ANKFN1: variants seen among roughly 807,000 people sequenced by gnomAD.
ANKFN1 encodes ankyrin repeat and fibronectin type-III domain-containing protein 1.
A neutral mutation model predicts 108.7 loss-of-function variants in ANKFN1; 74 were observed. That is an observed-to-expected ratio of 0.68 (90% confidence interval 0.56 to 0.83). ANKFN1 has a LOEUF of 0.83. Among genes scored for constraint, ANKFN1 ranks in the 40% least tolerant of loss-of-function variants. The pLI, the probability that ANKFN1 is intolerant of heterozygous loss-of-function variation, is 0.00. For missense variants in ANKFN1, 1,505 were observed against 1,382.3 expected (o/e 1.09, Z -1.41); for synonymous variants, 547 against 516.2 (o/e 1.06, Z -0.81).
At chr17:56,218,563 G>A (rs146569994) in intron 2 of ANKFN1, among the ~76,000 whole-genome samples, 10 of 152,152 alleles carry the variant, frequency 6.6e-5, no homozygotes, top group African/African-American at 9.6e-5. Context: ...CACACATGTT[G>A]TTTTCAGCAA....
At chr17:56,254,503 T>C (rs1458417149) in intron 3 of ANKFN1, among the ~76,000 whole-genome samples, 1 of 152,232 alleles carries the variant, frequency 6.6e-6, no homozygotes, top group Non-Finnish European at 1.5e-5. Context: ...TGTCCCAGTA[T>C]GTCCTTTCCC....
At chr17:56,212,125 G>A (rs981296016) in intron 1 of ANKFN1, among the ~76,000 whole-genome samples, 2 of 151,738 alleles carry the variant, frequency 1.3e-5, no homozygotes, top group African/African-American at 2.4e-5. Flanking sequence ...TCCAGTTCTC[G>A]GGGGAATGCT....
intron 3 of ANKFN1, among the ~76,000 whole-genome samples, chr17:56,246,208 A>AGTCT (rs1306094093): frequency 1.3e-5 from 2 of 152,112 alleles, no homozygotes; most frequent in Non-Finnish European, 2.9e-5. Context: ...GTTTGGAGCA[A>AGTCT]GTCTGACTCA....
intron 4 of ANKFN1, among the ~76,000 whole-genome samples, chr17:56,117,798 T>A (rs1648486744): frequency 6.6e-6 from 1 of 152,146 alleles, no homozygotes; most frequent in African/African-American, 2.4e-5. Flanking sequence ...AATATATTCA[T>A]AAAGTTATGC....
At chr17:56,483,988 T>G (rs2050784935) in intron 18 of ANKFN1, among the ~76,000 whole-genome samples, 4 of 152,164 alleles carry the variant, frequency 2.6e-5, no homozygotes, top group Admixed American at 2.6e-4. Flanking sequence ...AGAAAGCACA[T>G]TCTCTCAAAG....
At chr17:56,112,257 T>C (rs949451363) in intron 4 of ANKFN1, among the ~76,000 whole-genome samples, 9 of 151,894 alleles carry the variant, frequency 5.9e-5, no homozygotes, top group African/African-American at 1.9e-4. Flanking sequence ...CCTGAGGGAG[T>C]TGACTTACAG....
intron 18 of ANKFN1, among the ~76,000 whole-genome samples, chr17:56,488,280 G>T (rs1343873567): frequency 6.6e-6 from 1 of 152,158 alleles, no homozygotes; most frequent in Non-Finnish European, 1.5e-5. Flanking sequence ...CTTGGTGGGG[G>T]TATAGAAGAG....
chr17:56,349,537 T>C (rs1186102617), intron 4 of ANKFN1, among the ~76,000 whole-genome samples: 1 of 152,120 alleles, frequency 6.6e-6, no homozygotes, highest in Admixed American at 6.6e-5. Context: ...TTCTGGGTAG[T>C]GCTCTAGTAT....
chr17:56,114,692 C>T (rs1420393410), intron 4 of ANKFN1, among the ~76,000 whole-genome samples: 1 of 152,090 alleles, frequency 6.6e-6, no homozygotes, highest in Non-Finnish European at 1.5e-5. Context: ...GGTCACATGG[C>T]AAAGGGGAAT....
At chr17:56,416,143 T>C (rs1267191115) in intron 8 of ANKFN1, among the ~76,000 whole-genome samples, 1 of 152,168 alleles carries the variant, frequency 6.6e-6, no homozygotes, top group Non-Finnish European at 1.5e-5. Flanking sequence ...CTCCAGGACA[T>C]TGGTCTACGT....
At chr17:56,350,742 A>T (rs775557570) in intron 4 of ANKFN1, 24 bp from the exon 5 acceptor site, 4 of 1,600,996 alleles carry the variant, frequency 2.5e-6, no homozygotes, top group Non-Finnish European at 3.4e-6. Context: ...TAAAAGATAT[A>T]ACATCGGACT....
intron 4 of ANKFN1, 56 bp from the exon 5 acceptor site, chr17:56,350,710 T>C: frequency 1.4e-6 from 2 of 1,477,600 alleles, no homozygotes; most frequent in African/African-American, 1.4e-5. Context: ...TAAAATCATA[T>C]GTCAACTTAT....
At chr17:56,102,883 G>A (rs1245128479) in intron 4 of ANKFN1, among the ~76,000 whole-genome samples, 4 of 152,114 alleles carry the variant, frequency 2.6e-5, no homozygotes, top group East Asian at 3.9e-4. Context: ...CCAGCCTATC[G>A]CTAAAATATT....
chr17:56,241,010 G>A (rs1917542447), intron 3 of ANKFN1, among the ~76,000 whole-genome samples: 1 of 151,850 alleles, frequency 6.6e-6, no homozygotes, highest in Non-Finnish European at 1.5e-5. Flanking sequence ...TAGAGACATT[G>A]ACATTCTAAC....
At chr17:56,146,038 A>G (rs546174633) in intron 4 of ANKFN1, among the ~76,000 whole-genome samples, 23 of 152,350 alleles carry the variant, frequency 1.5e-4, no homozygotes, top group African/African-American at 5.1e-4. Flanking sequence ...CACCCATTCT[A>G]AATGTGAGAA....
chr17:56,160,044 C>T (rs180969390), intron 1 of ANKFN1, among the ~76,000 whole-genome samples: 11 of 152,214 alleles, frequency 7.2e-5, no homozygotes, highest in Admixed American at 4.6e-4. Context: ...AGTCAGGGTA[C>T]TTTGTCAAGG....
rs970312395 is a variant in ANKFN1, at chr17:56,514,382, G to C, written c.*3113G>C. Among the ~76,000 whole-genome samples, 3 of 152,170 alleles carry C rather than the reference G, an allele frequency of 2.0e-5. No individual in the cohort carries two copies. Among genetic ancestry groups the C allele is most frequent in the African/African-American group, 7.2e-5 (3 of 41,436 alleles). ...ATCTTCTCAACAATCTCTTAGAAGA[G>C]GCAGGAGCCTGTCTCCTCAGCCAGG... is the stretch of plus-strand genomic sequence containing the variant. On this transcript the variant is annotated 3_prime_UTR_variant, in exon 21 of 21. Transcript: ENST00000682825.
intron 8 of ANKFN1, among the ~76,000 whole-genome samples, chr17:56,433,781 A>G (rs1204086496): frequency 1.3e-5 from 2 of 152,036 alleles, no homozygotes; most frequent in African/African-American, 4.8e-5. Flanking sequence ...CCACTGAAGA[A>G]CTTACTCATG....
At chr17:56,394,973 C>T (rs1567969434) in intron 8 of ANKFN1, among the ~76,000 whole-genome samples, 1 of 152,138 alleles carries the variant, frequency 6.6e-6, no homozygotes, top group Non-Finnish European at 1.5e-5. Context: ...AAAACTGAAA[C>T]AAAAATAATC....
Sources: gnomAD v4.1 joint callset for allele counts (sites outside exome capture counted in the v4.1 genomes callset) on GRCh38, gnomAD v4.1.1 for gene constraint, MANE v1.5 for transcripts, NCBI Gene and HGNC (gene_info 2026-07-23, HGNC 2026-07-21) for gene names.